The following MYLK4 variants were observed in gnomAD, a reference collection of about 807,000 sequenced individuals.
The protein encoded by MYLK4 is myosin light chain kinase family member 4.
Under a neutral mutation model 48.1 loss-of-function variants are expected in MYLK4, and 46 were observed. The observed-to-expected ratio is 0.96, with a 90% CI of 0.75 to 1.22. The LOEUF is 1.22. Among genes scored for constraint, MYLK4 ranks in the 50% most tolerant of loss-of-function variants. MYLK4 has a pLI of 0.00. For synonymous variants in MYLK4, 170 were observed against 180.8 expected (o/e 0.94, Z 0.48); for missense variants, 451 against 486.1 (o/e 0.93, Z 0.68).
intron 2 of MYLK4, among the ~76,000 whole-genome samples, chr6:2,728,788 A>G (rs1410179988): frequency 1.3e-5 from 2 of 152,202 alleles, no homozygotes; most frequent in East Asian, 3.9e-4. Context: ...CAATCTGTCA[A>G]GCACCCACCT....
chr6:2,767,707 TTGG>T, the MYLK4 span, among the ~76,000 whole-genome samples: 2 of 152,214 alleles, frequency 1.3e-5, no homozygotes, highest in African/African-American at 4.8e-5. Flanking sequence ...TAATCAGCTG[TTGG>T]TGGCCCCAGA....
chr6:2,695,560 T>G (rs1023280009), intron 2 of MYLK4, among the ~76,000 whole-genome samples: 2 of 152,236 alleles, frequency 1.3e-5, no homozygotes, highest in East Asian at 1.9e-4. Flanking sequence ...TTAGTAATTA[T>G]ATATCACATA....
At chr6:2,735,725 C>T (rs1763647635) in intron 2 of MYLK4, among the ~76,000 whole-genome samples, 2 of 152,100 alleles carry the variant, frequency 1.3e-5, no homozygotes, top group Non-Finnish European at 2.9e-5. Context: ...GTAGTCGATG[C>T]AAACTGGGGA....
Position 2,683,012 on chromosome 6 carries a change from C to A in MYLK4, c.687+9G>T. 5 of 1,614,184 alleles carry A rather than the reference C, an allele frequency of 3.1e-6. No homozygotes were observed. The South Asian group carries it at 4.4e-5, about 14-fold the overall frequency. The stretch of plus-strand genomic sequence containing the variant: ...GGCTTACGTCTCACAGGATACAAAA[C>A]ACCCTTACCTTCAGGTCCAAGTGGA... On this transcript the variant is annotated intron_variant, in intron 7 of 12. Transcript: ENST00000274643.
At chr6:2,693,040 A>G (rs1383853576) in intron 2 of MYLK4, among the ~76,000 whole-genome samples, 181 bp from the exon 3 acceptor site, 2 of 152,190 alleles carry the variant, frequency 1.3e-5, no homozygotes, top group Admixed American at 6.5e-5. Context: ...CCCAGTTGTG[A>G]TGACCAAAAA....
chr6:2,712,371 G>A (rs931520993), intron 2 of MYLK4, among the ~76,000 whole-genome samples: 6 of 152,162 alleles, frequency 3.9e-5, no homozygotes, highest in East Asian at 3.9e-4. Context: ...CCACATATGG[G>A]TAGGCTTGCC....
chr6:2,767,383 C>T, the MYLK4 span, among the ~76,000 whole-genome samples: 1 of 152,250 alleles, frequency 6.6e-6, no homozygotes, highest in South Asian at 2.1e-4. Context: ...CTTTGAGATT[C>T]AGACTCGTTT....
At chr6:2,694,491 ATGGTGGTGGTGG>A (rs1215791355) in intron 2 of MYLK4, among the ~76,000 whole-genome samples, 1 of 2,390 alleles carries the variant, frequency 4.2e-4, no homozygotes, top group African/African-American at 1.6e-3. Flanking sequence ...GGTAGTGGTC[ATGGTGGTGGTGG>A]TGGTGGTGGC....
At chr6:2,761,203 G>A in the MYLK4 span, among the ~76,000 whole-genome samples, 4 of 152,118 alleles carry the variant, frequency 2.6e-5, no homozygotes, top group African/African-American at 4.8e-5. Flanking sequence ...TGACTGTGGG[G>A]AAGGAAGACA....
At chr6:2,749,441 C>G (rs73717423) in intron 1 of MYLK4, 35 bp from the exon 2 acceptor site, 8,322 of 566,116 alleles carry the variant, frequency 0.015, 132 homozygotes, top group African/African-American at 0.059. Context: ...GTTCTCATCA[C>G]GTATTCATGC....
intron 2 of MYLK4, among the ~76,000 whole-genome samples, chr6:2,705,250 T>C (rs931126473): frequency 3.3e-5 from 5 of 152,208 alleles, no homozygotes; most frequent in African/African-American, 1.2e-4. Flanking sequence ...TAGGTTCTCC[T>C]CACTGCATTA....
the MYLK4 span, among the ~76,000 whole-genome samples, chr6:2,761,111 A>C: frequency 6.6e-6 from 1 of 152,230 alleles, no homozygotes; most frequent in Non-Finnish European, 1.5e-5. Context: ...ATACCTGCTC[A>C]TAGGCACTGC....
intron 2 of MYLK4, among the ~76,000 whole-genome samples, chr6:2,729,181 T>A (rs550811780): frequency 6.6e-6 from 1 of 152,320 alleles, no homozygotes; most frequent in African/African-American, 2.4e-5. Flanking sequence ...GCCATGCCCC[T>A]ATTATCATGC....
At chr6:2,768,302 C>T in the MYLK4 span, among the ~76,000 whole-genome samples, 1 of 152,168 alleles carries the variant, frequency 6.6e-6, no homozygotes, top group Non-Finnish European at 1.5e-5. Context: ...CTAGATCCTT[C>T]CGTGCTGTCT....
chr6:2,764,025 G>C, the MYLK4 span, among the ~76,000 whole-genome samples: 5 of 152,256 alleles, frequency 3.3e-5, no homozygotes, highest in South Asian at 4.1e-4. Flanking sequence ...CCAGCTACTC[G>C]AGAGGCTGAG....
the MYLK4 span, among the ~76,000 whole-genome samples, chr6:2,761,454 A>T: frequency 2.6e-5 from 4 of 152,150 alleles, no homozygotes; most frequent in Non-Finnish European, 5.9e-5. Flanking sequence ...CGTTTTTTTC[A>T]TTTATTTTTC....
the MYLK4 span, chr6:2,765,592 G>A: frequency 6.8e-6 from 10 of 1,469,360 alleles, no homozygotes; most frequent in African/African-American, 1.5e-5. Flanking sequence ...TGCTGCGGCC[G>A]CGCCGGGCGC....
the MYLK4 span, chr6:2,766,509 G>A: frequency 6.9e-7 from 1 of 1,440,126 alleles, no homozygotes; most frequent in Non-Finnish European, 9.2e-7. Context: ...CTGATGGTCG[G>A]AGAGCCGGGT....
the MYLK4 span, chr6:2,766,454 G>A: frequency 1.3e-6 from 2 of 1,518,694 alleles, no homozygotes; most frequent in Non-Finnish European, 8.9e-7. Context: ...GGTGAGTGCG[G>A]CCTTGGCCGT....
Sources: gnomAD v4.1 joint callset for allele counts (sites outside exome capture counted in the v4.1 genomes callset) on GRCh38, gnomAD v4.1.1 for gene constraint, MANE v1.5 for transcripts, NCBI Gene and HGNC (gene_info 2026-07-23, HGNC 2026-07-21) for gene names.